The following IFI16 variants were observed in gnomAD, a reference collection of about 807,000 sequenced individuals.
The protein encoded by IFI16 is interferon gamma inducible protein 16.
Under a neutral mutation model 68.4 loss-of-function variants are expected in IFI16, and 49 were observed. That is an observed-to-expected ratio of 0.72 (90% CI 0.57 to 0.91). The LOEUF (loss-of-function observed/expected upper bound fraction) is 0.91, where lower values mean the gene tolerates loss of function less well. Among genes scored for constraint, IFI16 ranks in the 40% least tolerant of loss-of-function variants. IFI16 has a pLI of 0.00. For missense variants in IFI16, 878 were observed against 942.9 expected (o/e 0.93, Z 0.90); for synonymous variants, 307 against 315.0 (o/e 0.97, Z 0.27).
chr1:159,021,562 G>T (rs1019266119), intron 6 of IFI16, among the ~76,000 whole-genome samples: 4 of 152,320 alleles, frequency 2.6e-5, no homozygotes, highest in Middle Eastern at 3.4e-3. Flanking sequence ...CTGTAAACAT[G>T]CATGTGCAAT....
chr1:159,042,096 G>T (rs1237804837), intron 7 of IFI16, among the ~76,000 whole-genome samples: 2 of 152,056 alleles, frequency 1.3e-5, no homozygotes, highest in Non-Finnish European at 2.9e-5. Context: ...TCTACCTCCG[G>T]TACAGCCATT....
intron 9 of IFI16, among the ~76,000 whole-genome samples, chr1:159,049,987 G>A (rs1482317282): frequency 6.6e-6 from 1 of 151,942 alleles, no homozygotes; most frequent in Non-Finnish European, 1.5e-5. Context: ...AAAAATTTAG[G>A]AAAGGAAGGT....
rs2101810049 is a variant in IFI16, at chr1:159,014,942, A to G, written c.262A>G (p.Lys88Glu). The G allele has an allele frequency of 6.2e-7, 1 of 1,603,552 alleles. No homozygotes were observed. The highest frequency in any genetic ancestry group is 8.5e-7 in the Non-Finnish European group (1 of 1,175,558). The change falls in exon 2 of 12, where the codon AAA becomes GAA. Residue 88 changes from lysine to glutamate, a missense_variant. Physicochemically the swap from Lys to Glu is moderately conservative, Grantham distance 56. Around this residue, in one of 4 missense-constraint regions of IFI16, gnomAD observed 443 missense variants for 421.8 expected, o/e 1.05. Coordinates refer to ENST00000295809, the MANE Select transcript of IFI16 (RefSeq NM_001376587.1). Reference protein sequence around the residue: ...LAETLKKEKLKVKGPALSRKR... With the variant: ...LAETLKKEKLEVKGPALSRKR... Reference sequence around the variant, plus strand: ...TGAAACTCTTAAAAAAGAAAAGTTAAAAGGTAATTGGGAAGAGGGAACACC... The same window carrying G: ...TGAAACTCTTAAAAAAGAAAAGTTAGAAGGTAATTGGGAAGAGGGAACACC...
intron 7 of IFI16, among the ~76,000 whole-genome samples, chr1:159,044,157 TA>T (rs953483304): frequency 2.6e-5 from 4 of 151,994 alleles, no homozygotes; most frequent in Non-Finnish European, 4.4e-5. Flanking sequence ...TATAACACCA[TA>T]AAAAAATGCT....
At chr1:159,043,039 GAC>G (rs1654762558) in intron 7 of IFI16, among the ~76,000 whole-genome samples, 1 of 152,202 alleles carries the variant, frequency 6.6e-6, no homozygotes, top group Non-Finnish European at 1.5e-5. Flanking sequence ...CCAGGTTGCA[GAC>G]CTGAGCACCA....
rs775100615 is a variant in IFI16, at chr1:159,014,725, G to T, written c.45G>T (p.Glu15Asp). The change falls in exon 2 of 12, where the codon GAG becomes GAT. Residue 15 changes from glutamate (E) to aspartate (D), a missense_variant. By Grantham distance (45) the Glu-to-Asp change is conservative. Coordinates refer to ENST00000295809, the MANE Select transcript of IFI16 (RefSeq NM_001376587.1). ...ACATTGTTCTACTAAAAGGATTAGA[G>T]GTCATCAATGATTATCATTTTAGAA... The part of the protein sequence containing the change: ...YKNIVLLKGL[E>D]VINDYHFRMV... 5 of 1,607,436 alleles carry T rather than the reference G, an allele frequency of 3.1e-6. No homozygotes were observed. Among genetic ancestry groups the T allele is most frequent in the Non-Finnish European group, 4.3e-6 (5 of 1,174,424 alleles).
At chr1:159,006,438 T>C (rs553983720), upstream of IFI16, among the ~76,000 whole-genome samples, 1 of 152,336 alleles carries the variant, frequency 6.6e-6, no homozygotes, top group East Asian at 1.9e-4. Context: ...CAAGGTTTTA[T>C]GTTGTTATCT....
rs550951147 is a variant in IFI16, at chr1:159,019,686, C to T, written c.973-655C>T. ...ATGTTAGCCAGGATGGTCTTGGTCT[C>T]CTGACCTCGTGATCTGCCCACCTCG... On this transcript the variant is annotated intron_variant, in intron 5 of 11. Coordinates refer to ENST00000295809, the MANE Select transcript of IFI16 (RefSeq NM_001376587.1). 8.9e-4 allele frequency among the ~76,000 whole-genome samples: 135 copies of T among 152,094 alleles called. 1 individual carries two copies. Among genetic ancestry groups the T allele is most frequent in the African/African-American group, 3.1e-3 (128 of 41,426 alleles).
At chr1:159,008,569 G>T (rs1457809612), upstream of IFI16, among the ~76,000 whole-genome samples, 1 of 152,140 alleles carries the variant, frequency 6.6e-6, no homozygotes, top group Non-Finnish European at 1.5e-5. Context: ...GTTCTGAAGG[G>T]TCATAACTTC....
upstream of IFI16, among the ~76,000 whole-genome samples, chr1:159,007,086 C>T (rs1183344431): frequency 1.3e-5 from 2 of 151,996 alleles, no homozygotes; most frequent in Non-Finnish European, 2.9e-5. Context: ...CCAAGTGTGA[C>T]GAAAAAGATA....
chr1:159,037,859 T>C (rs1256916233), intron 7 of IFI16, among the ~76,000 whole-genome samples: 1 of 152,080 alleles, frequency 6.6e-6, no homozygotes, highest in Admixed American at 6.6e-5. Flanking sequence ...AGGGCAGACA[T>C]TAAAAAAAAT....
At chr1:159,032,051 T>G (rs1654031092) in intron 6 of IFI16, among the ~76,000 whole-genome samples, 1 of 152,206 alleles carries the variant, frequency 6.6e-6, no homozygotes, top group Non-Finnish European at 1.5e-5. Flanking sequence ...GCCTTGTACA[T>G]TATGGGAAAT....
Position 159,045,483 on chromosome 1 carries a change from C to G in IFI16, c.1497+19C>G. On this transcript the variant is annotated intron_variant, in intron 8 of 11. Coordinates refer to ENST00000295809, the MANE Select transcript of IFI16 (RefSeq NM_001376587.1). ...AACCACGGTACAAGTTCCCTCTTCC[C>G]AATACATTCCCCTCACTACAATGTA... 8 of 1,606,076 alleles carry G rather than the reference C, an allele frequency of 5.0e-6. 1 individual carries two copies. Among genetic ancestry groups the G allele is most frequent in the Non-Finnish European group, 6.8e-6 (8 of 1,174,486 alleles).
intron 7 of IFI16, among the ~76,000 whole-genome samples, chr1:159,035,649 G>A (rs1654279145): frequency 8.3e-6 from 1 of 120,324 alleles, no homozygotes; most frequent in African/African-American, 3.1e-5. Context: ...ACTCGCAGGT[G>A]AGTATAGTCT....
intron 8 of IFI16, among the ~76,000 whole-genome samples, chr1:159,047,954 A>G (rs1655098534): frequency 6.8e-6 from 1 of 147,514 alleles, no homozygotes; most frequent in South Asian, 2.2e-4. Flanking sequence ...TTATTCAAAC[A>G]AAGATTATAA....
At chr1:159,021,910 T>C (rs543856750) in intron 6 of IFI16, among the ~76,000 whole-genome samples, 1 of 150,542 alleles carries the variant, frequency 6.6e-6, no homozygotes, top group South Asian at 2.1e-4. Flanking sequence ...CTTTTGAGAA[T>C]TGTCTATTCA....
At chr1:159,029,316 C>G (rs924671981) in intron 6 of IFI16, among the ~76,000 whole-genome samples, 1 of 152,210 alleles carries the variant, frequency 6.6e-6, no homozygotes, top group Non-Finnish European at 1.5e-5. Context: ...AAAGATAGTA[C>G]TCCAAACCTT....
upstream of IFI16, among the ~76,000 whole-genome samples, chr1:159,004,984 G>T (rs1465148275): frequency 6.6e-6 from 1 of 152,210 alleles, no homozygotes; most frequent in Non-Finnish European, 1.5e-5. Context: ...CAAAAATAAT[G>T]TTGAAACTTA....
In IFI16 at chr1:159,048,029, T is replaced by G. The variant is rs1489982948; in HGVS notation, c.1498-1403T>G. On this transcript the variant is annotated intron_variant, in intron 8 of 11. Coordinates refer to ENST00000295809, the MANE Select transcript of IFI16 (RefSeq NM_001376587.1). ...GATTTCACTTATTTTTAAAACATTA[T>G]ATCTCAAGACAATCTTGTCAATAAA... is the stretch of plus-strand genomic sequence containing the variant. Among the ~76,000 whole-genome samples, 5 of 144,456 alleles carry G rather than the reference T, an allele frequency of 3.5e-5. 1 individual carries two copies. Among genetic ancestry groups the G allele is most frequent in the Non-Finnish European group, 6.2e-5 (4 of 64,926 alleles). 94.8% of individuals were successfully genotyped at this position (144,456 alleles called of 152,430 possible). A position where few individuals can be genotyped will look rare whatever the true frequency, so the allele number is the denominator to read the frequency against.
Sources: allele counts gnomAD v4.1 joint callset (sites outside exome capture counted in the v4.1 genomes callset), GRCh38; gene constraint gnomAD v4.1.1; regional missense constraint gnomAD v4.1.1; transcripts MANE v1.5; gene names NCBI Gene and HGNC (gene_info 2026-07-23, HGNC 2026-07-21).